Variants in B3GALT1 observed in about 807,000 individuals in gnomAD.
The protein encoded by B3GALT1 is beta-1,3-galactosyltransferase 1.
B3GALT1 carries 10 observed loss-of-function variants against 23.2 expected under a neutral mutation model. The observed-to-expected ratio is 0.43, with a 90% CI of 0.27 to 0.73. B3GALT1 has a LOEUF of 0.73. Ranked by LOEUF, B3GALT1 falls within the 30% of genes least tolerant of loss-of-function variation. B3GALT1 has a pLI of 0.21. For synonymous variants in B3GALT1, 156 were observed against 141.5 expected, an observed-to-expected ratio of 1.10 and a Z score of -0.73; for missense variants, 299 against 405.4, an observed-to-expected ratio of 0.74 and a Z score of 2.25.
At chr2:167,455,323 A>G (rs1389378339) in intron 1 of B3GALT1, among the ~76,000 whole-genome samples, 1 of 152,184 alleles carries the variant, frequency 6.6e-6, no homozygotes, top group Non-Finnish European at 1.5e-5. Flanking sequence ...AAAAAATCTT[A>G]TGAAAAAGAT....
In B3GALT1 at chr2:167,354,300, C is replaced by T. The variant is rs570690116; in HGVS notation, c.-511+60966C>T. The stretch of plus-strand genomic sequence containing the variant: ...TATTTCCTTCCCTCTCACAGTGATA[C>T]AGCCACAAGACTAGTAGACTAGTTG... On this transcript the variant is annotated intron_variant, in intron 1 of 4. Transcript: ENST00000392690. Among the ~76,000 whole-genome samples the T allele has an allele frequency of 1.3e-4, 20 of 151,796 alleles. No individual in the cohort carries two copies. In the South Asian group the frequency reaches 4.0e-3, roughly 30 times the overall value.
intron 3 of B3GALT1, among the ~76,000 whole-genome samples, chr2:167,713,432 A>G (rs1687093249): frequency 1.3e-5 from 2 of 152,154 alleles, no homozygotes; most frequent in African/African-American, 4.8e-5. Flanking sequence ...ATCCTAACAA[A>G]CTTATCTGTA....
At position 167,750,328 on chromosome 2, in the gene B3GALT1, C is replaced by T. The variant is rs570734927; in HGVS notation, c.-351-68344C>T. Among the ~76,000 whole-genome samples, 13 of 152,044 alleles carry T rather than the reference C, an allele frequency of 8.6e-5. No homozygotes were observed. In the South Asian group the frequency reaches 1.7e-3, roughly 20 times the overall value. On this transcript the variant is annotated intron_variant, in intron 3 of 4. Transcript: ENST00000392690. ...CAGGGTGTGGCCAGAGTAAATAGAC[C>T]GTAAGGAAAACACTCACGAAGGAGT...
chr2:167,863,990 ATG>A (rs34276280), intron 4 of B3GALT1, among the ~76,000 whole-genome samples: 25,460 of 143,194 alleles, frequency 0.18, 3,084 homozygotes, highest in African/African-American at 0.37. Flanking sequence ...GCATGTATGT[ATG>A]TGTGTGTGTG....
intron 1 of B3GALT1, among the ~76,000 whole-genome samples, chr2:167,344,022 A>G (rs558080748): frequency 1.1e-4 from 16 of 152,316 alleles, no homozygotes; most frequent in South Asian, 2.1e-4. Context: ...TTGGGTGGCT[A>G]TGGGGTGACT....
chr2:167,337,089 C>T (rs539824396), intron 1 of B3GALT1, among the ~76,000 whole-genome samples: 1 of 152,202 alleles, frequency 6.6e-6, no homozygotes, highest in African/African-American at 2.4e-5. Flanking sequence ...AGAGCAAGAT[C>T]AGAATGTTGG....
chr2:167,605,884 T>C (rs1684954515), intron 2 of B3GALT1, among the ~76,000 whole-genome samples: 1 of 152,102 alleles, frequency 6.6e-6, no homozygotes, highest in African/African-American at 2.4e-5. Flanking sequence ...ATAAGTGAAT[T>C]AGATGGGATT....
chr2:167,833,611 C>T (rs1384649198), intron 4 of B3GALT1, among the ~76,000 whole-genome samples: 2 of 152,144 alleles, frequency 1.3e-5, no homozygotes, highest in African/African-American at 4.8e-5. Flanking sequence ...TCTTTTCTCC[C>T]ACCATTGAAA....
At chr2:167,455,715 A>T (rs895768541) in intron 1 of B3GALT1, among the ~76,000 whole-genome samples, 1 of 151,966 alleles carries the variant, frequency 6.6e-6, no homozygotes. Context: ...ATTTCACCAT[A>T]TTGGACACAC....
intron 3 of B3GALT1, among the ~76,000 whole-genome samples, chr2:167,747,927 T>A (rs1687676690): frequency 1.3e-5 from 2 of 152,188 alleles, no homozygotes; most frequent in Admixed American, 1.3e-4. Flanking sequence ...TGGTTAAGTA[T>A]TTATTTCACC....
In B3GALT1 at chr2:167,868,003, G is replaced by A. The variant is rs146888926; in HGVS notation, c.-229-808G>A. On this transcript the variant is annotated intron_variant, in intron 4 of 4. Transcript: ENST00000392690. ...TGGGTTTATAGGCAAATGTAACTAG[G>A]TAAAAAAAAATTAAAAGGGCCAGTA... is the stretch of plus-strand genomic sequence containing the variant. Among the ~76,000 whole-genome samples, 362 of 151,960 alleles carry A rather than the reference G, an allele frequency of 2.4e-3. 5 individuals carry two copies. The highest frequency in any genetic ancestry group is 6.8e-3 in the Middle Eastern group (2 of 294).
intron 1 of B3GALT1, among the ~76,000 whole-genome samples, chr2:167,445,595 A>T (rs916324781): frequency 1.3e-5 from 2 of 152,268 alleles, no homozygotes; most frequent in Middle Eastern, 3.4e-3. Context: ...CTTCTTGTGG[A>T]ATTGATCCCT....
chr2:167,592,673 G>T (rs1334037918), intron 2 of B3GALT1, among the ~76,000 whole-genome samples: 1 of 152,116 alleles, frequency 6.6e-6, no homozygotes, highest in Non-Finnish European at 1.5e-5. Flanking sequence ...AAGGCTCTTT[G>T]TTCTTCAGTC....
chr2:167,721,958 A>G lies in B3GALT1; in HGVS notation c.-352+74992A>G, dbSNP rs866229203. 3.7e-4 allele frequency among the ~76,000 whole-genome samples: 56 copies of G among 152,320 alleles called. No homozygotes were observed. In the Middle Eastern group the frequency reaches 0.01, roughly 28 times the overall value. Reference sequence around the variant, plus strand: ...AGGGTTCAATTATTTGTCTCTAATGATAAATATTCTGTAATGATGAATCCA... The same window carrying G: ...AGGGTTCAATTATTTGTCTCTAATGGTAAATATTCTGTAATGATGAATCCA... On this transcript the variant is annotated intron_variant, in intron 3 of 4. Coordinates refer to ENST00000392690, the MANE Select transcript of B3GALT1 (RefSeq NM_020981.4).
chr2:167,700,869 T>C lies in B3GALT1; in HGVS notation c.-352+53903T>C, dbSNP rs115390246. On this transcript the variant is annotated intron_variant, in intron 3 of 4. Transcript: ENST00000392690. ...GGGGTAGGGGAGGGGTAGAGAGTGA[T>C]CAAGAAGAAGATATCTCCAAGAAAG... 2.8e-3 allele frequency among the ~76,000 whole-genome samples: 421 copies of C among 152,176 alleles called. 3 individuals carry two copies. The highest frequency in any genetic ancestry group is 4.4e-3 in the Non-Finnish European group (299 of 67,996).
intron 2 of B3GALT1, among the ~76,000 whole-genome samples, chr2:167,560,020 G>A (rs1240893406): frequency 6.6e-6 from 1 of 152,088 alleles, no homozygotes; most frequent in East Asian, 1.9e-4. Context: ...CACCAAAGTT[G>A]AAATGAAGGA....
At chr2:167,677,273 C>A (rs1252856230) in intron 3 of B3GALT1, among the ~76,000 whole-genome samples, 2 of 152,118 alleles carry the variant, frequency 1.3e-5, no homozygotes, top group East Asian at 1.9e-4. Flanking sequence ...CTCATAACAC[C>A]ATGTATGCAT....
intron 2 of B3GALT1, among the ~76,000 whole-genome samples, chr2:167,532,230 A>G (rs1357138092): frequency 6.6e-6 from 1 of 152,154 alleles, no homozygotes; most frequent in Non-Finnish European, 1.5e-5. Context: ...AATTTCTGCA[A>G]TCAGGACAAA....
At chr2:167,771,343 A>C (rs1399083095) in intron 3 of B3GALT1, among the ~76,000 whole-genome samples, 2 of 152,188 alleles carry the variant, frequency 1.3e-5, no homozygotes, top group Non-Finnish European at 2.9e-5. Flanking sequence ...TAATCCCAGC[A>C]CTTTGGGAGG....
Sources: allele counts gnomAD v4.1 joint callset (sites outside exome capture counted in the v4.1 genomes callset), GRCh38; gene constraint gnomAD v4.1.1; transcripts MANE v1.5; gene names NCBI Gene and HGNC (gene_info 2026-07-23, HGNC 2026-07-21).